MYOCD: variants seen among roughly 807,000 people sequenced by gnomAD.
MYOCD encodes the protein myocardin.
A neutral mutation model predicts 96.1 loss-of-function variants in MYOCD; 32 were observed. That is an observed-to-expected ratio of 0.33 (90% confidence interval 0.25 to 0.45). The LOEUF is 0.45. Among genes scored for constraint, MYOCD ranks in the 20% least tolerant of loss-of-function variants. MYOCD has a pLI of 1.00. For missense variants in MYOCD, 1,133 were observed against 1,200.6 expected (o/e 0.94, Z 0.83); for synonymous variants, 469 against 469.0 (o/e 1.00, Z 0.00).
In MYOCD at chr17:12,764,793, C is replaced by T. The variant is rs1208187912; in HGVS notation, c.*1149C>T. The T allele has an allele frequency of 1.3e-5, 2 of 152,290 alleles. No homozygotes were observed. Among genetic ancestry groups the T allele is most frequent in the Non-Finnish European group, 2.9e-5 (2 of 68,028 alleles). The allele number at this position is 152,290 out of a possible 1,614,324, so 9.4% of individuals were successfully genotyped here. ...AGGACTTCTCAGTTCTAACAAGCTGCCATACTCCTAAGAAAGCCATTTTTG... is the reference window on the plus strand; with the variant it reads ...AGGACTTCTCAGTTCTAACAAGCTGTCATACTCCTAAGAAAGCCATTTTTG... On this transcript the variant is annotated 3_prime_UTR_variant, in exon 14 of 14. Coordinates refer to ENST00000425538, the MANE Select transcript of MYOCD (RefSeq NM_001146312.3).
intron 2 of MYOCD, chr17:12,710,458 C>G: frequency 3.2e-6 from 3 of 941,494 alleles, no homozygotes; most frequent in Non-Finnish European, 3.8e-6. Flanking sequence ...ATACAATGAG[C>G]TGTCTATGAA....
intron 4 of MYOCD, among the ~76,000 whole-genome samples, chr17:12,718,400 G>A (rs887201899): frequency 9.9e-5 from 15 of 152,146 alleles, no homozygotes; most frequent in Non-Finnish European, 1.9e-4. Context: ...GAAGGGGGTC[G>A]CAGTCTGAGG....
At chr17:12,724,812 A>AGG (rs2031949124) in intron 5 of MYOCD, among the ~76,000 whole-genome samples, 1 of 152,044 alleles carries the variant, frequency 6.6e-6, no homozygotes. Context: ...CTGTCTTCAC[A>AGG]AGTTTCTTTA....
At chr17:12,685,722 T>C (rs1353978994) in intron 1 of MYOCD, among the ~76,000 whole-genome samples, 2 of 152,204 alleles carry the variant, frequency 1.3e-5, no homozygotes, top group Non-Finnish European at 2.9e-5. Flanking sequence ...GCCTTCTACA[T>C]ATATGGATTA....
intron 9 of MYOCD, among the ~76,000 whole-genome samples, chr17:12,746,891 G>A (rs954749808): frequency 6.6e-6 from 1 of 151,940 alleles, no homozygotes; most frequent in African/African-American, 2.4e-5. Flanking sequence ...ACTACACCCA[G>A]CTAATTTTTG....
At chr17:12,756,865 G>A (rs1424286633) in intron 11 of MYOCD, among the ~76,000 whole-genome samples, 54 of 152,178 alleles carry the variant, frequency 3.5e-4, no homozygotes, top group African/African-American at 1.2e-3. Context: ...CCCTTTCAAG[G>A]CAGAAGTAAA....
intron 2 of MYOCD, among the ~76,000 whole-genome samples, chr17:12,706,673 A>G (rs1031753512): frequency 3.9e-5 from 6 of 152,194 alleles, no homozygotes; most frequent in African/African-American, 1.4e-4. Flanking sequence ...AAAACACCCA[A>G]TGAAGATGGT....
At chr17:12,672,644 T>C (rs1909773408) in intron 1 of MYOCD, among the ~76,000 whole-genome samples, 1 of 152,206 alleles carries the variant, frequency 6.6e-6, no homozygotes, top group Admixed American at 6.5e-5. Context: ...CTCCTGCTGG[T>C]GAGGGAAGAT....
intron 1 of MYOCD, among the ~76,000 whole-genome samples, chr17:12,697,953 A>G (rs1597750513): frequency 6.6e-6 from 1 of 152,202 alleles, no homozygotes; most frequent in African/African-American, 2.4e-5. Flanking sequence ...GCCTCAAACC[A>G]TATACCAAAT....
chr17:12,755,718 A>G (rs894058753), intron 10 of MYOCD, among the ~76,000 whole-genome samples: 3 of 152,158 alleles, frequency 2.0e-5, no homozygotes, highest in African/African-American at 7.2e-5. Flanking sequence ...CTAAAAGTAC[A>G]AAAATTAGCC....
At chr17:12,753,445 A>G in intron 10 of MYOCD, 99 bp downstream of exon 10, 1 of 1,111,084 alleles carries the variant, frequency 9.0e-7, no homozygotes, top group Non-Finnish European at 1.3e-6. Context: ...TTTCAATGGG[A>G]AGGGTTTACC....
intron 7 of MYOCD, among the ~76,000 whole-genome samples, chr17:12,743,522 C>T (rs373716470): frequency 6.5e-5 from 7 of 107,250 alleles, no homozygotes; most frequent in South Asian, 3.1e-4. Context: ...GATGGAGTTT[C>T]GCTCTTGTTG....
At chr17:12,695,397 A>G (rs1341685230) in intron 1 of MYOCD, among the ~76,000 whole-genome samples, 6 of 152,152 alleles carry the variant, frequency 3.9e-5, no homozygotes, top group African/African-American at 7.2e-5. Flanking sequence ...TCTTAATACC[A>G]TCATCTTGAG....
rs1462334463 is a variant in MYOCD, at chr17:12,756,458, T to A, written c.2103T>A (p.His701Gln). Residue 701 changes from histidine (H) to glutamine (Q), a missense_variant, in exon 11 of 14, where the codon CAT (histidine) becomes CAA (glutamine). Coordinates refer to ENST00000425538, the MANE Select transcript of MYOCD (RefSeq NM_001146312.3). Reference sequence around the variant, plus strand: ...GCCATCCTCCAAGCTTCTCTCCCCATTCTTCCAGCCTCCACCCGCCCTTCT... The same window carrying A: ...GCCATCCTCCAAGCTTCTCTCCCCAATCTTCCAGCCTCCACCCGCCCTTCT... ...HDGHPPSFSP[H>Q]SSSLHPPFSG... The A allele has an allele frequency of 1.3e-6, 2 of 1,552,056 alleles. No individual in the cohort carries two copies. Among genetic ancestry groups the A allele is most frequent in the Non-Finnish European group, 1.7e-6 (2 of 1,147,078 alleles).
intron 1 of MYOCD, among the ~76,000 whole-genome samples, chr17:12,695,298 G>A (rs1172315223): frequency 6.6e-6 from 1 of 152,228 alleles, no homozygotes; most frequent in Non-Finnish European, 1.5e-5. Flanking sequence ...TGGTGGAAGG[G>A]GCCAGACAGC....
At position 12,764,188 on chromosome 17, in the gene MYOCD, C is replaced by T. The variant is rs995741109; in HGVS notation, c.*544C>T. On this transcript the variant is annotated 3_prime_UTR_variant, in exon 14 of 14. Transcript: ENST00000425538. ...AGTTCTTGAGACAGAGGAACAAAACCAATCGATTTCCAGGGAAGCTAATCA... is the reference window on the plus strand; with the variant it reads ...AGTTCTTGAGACAGAGGAACAAAACTAATCGATTTCCAGGGAAGCTAATCA... The T allele has an allele frequency of 1.3e-5, 2 of 152,342 alleles. No individual in the cohort carries two copies. Among genetic ancestry groups the T allele is most frequent in the South Asian group, 2.1e-4 (1 of 4,832 alleles). The allele number at this position is 152,342 out of a possible 1,614,324, so 9.4% of individuals were successfully genotyped here.
At chr17:12,692,463 C>G (rs1304333750) in intron 1 of MYOCD, among the ~76,000 whole-genome samples, 1 of 152,170 alleles carries the variant, frequency 6.6e-6, no homozygotes, top group Non-Finnish European at 1.5e-5. Flanking sequence ...ATTGAGATTA[C>G]AGCTATATAC....
intron 1 of MYOCD, among the ~76,000 whole-genome samples, chr17:12,674,619 G>C (rs1909902797): frequency 6.6e-6 from 1 of 152,182 alleles, no homozygotes; most frequent in East Asian, 1.9e-4. Flanking sequence ...GATGAGAATT[G>C]TGTATATGTG....
chr17:12,679,237 C>T (rs1597726988), intron 1 of MYOCD, among the ~76,000 whole-genome samples: 1 of 151,946 alleles, frequency 6.6e-6, no homozygotes, highest in Non-Finnish European at 1.5e-5. Context: ...ACATGGTAGC[C>T]ATCTGCACTG....
Sources: gnomAD v4.1 joint callset for allele counts (sites outside exome capture counted in the v4.1 genomes callset) on GRCh38, gnomAD v4.1.1 for gene constraint, MANE v1.5 for transcripts, NCBI Gene and HGNC (gene_info 2026-07-23, HGNC 2026-07-21) for gene names.